Variants in NUP153 observed in about 807,000 individuals in gnomAD.
NUP153 encodes nucleoporin 153, also known as nuclear pore complex protein Nup153.
NUP153 carries 27 observed loss-of-function variants against 134.6 expected under a neutral mutation model. That is an observed-to-expected ratio of 0.20 (90% confidence interval 0.15 to 0.28). NUP153 has a LOEUF of 0.28. NUP153 is among the 10% of genes least tolerant of loss of function. NUP153 has a pLI of 1.00. For synonymous variants in NUP153, 640 were observed against 623.5 expected (o/e 1.03, Z -0.40); for missense variants, 1,821 against 1,731.3 (o/e 1.05, Z -0.92).
At chr6:17,701,786 T>C (rs1400145774) in intron 1 of NUP153, among the ~76,000 whole-genome samples, 5 of 136,348 alleles carry the variant, frequency 3.7e-5, no homozygotes, top group Non-Finnish European at 6.2e-5. Context: ...TGAGCCAAGA[T>C]TGTGCCACTG....
intron 8 of NUP153, among the ~76,000 whole-genome samples, chr6:17,665,851 A>AT (rs1316281365): frequency 1.3e-5 from 2 of 151,530 alleles, no homozygotes; most frequent in African/African-American, 2.4e-5. Context: ...CACCCGGCTA[A>AT]TTTTTTTGGT....
chr6:17,660,762 A>AT (rs1303383101), intron 11 of NUP153, among the ~76,000 whole-genome samples: 1 of 152,300 alleles, frequency 6.6e-6, no homozygotes, highest in African/African-American at 2.4e-5. Context: ...GCAACATCTA[A>AT]TACAGCAGAA....
intron 5 of NUP153, among the ~76,000 whole-genome samples, chr6:17,674,001 A>C (rs991048190): frequency 6.6e-6 from 1 of 152,228 alleles, no homozygotes; most frequent in Non-Finnish European, 1.5e-5. Context: ...ACTCAGCAAT[A>C]AAAAGGAACT....
chr6:17,676,958 A>G (rs1768257268), intron 2 of NUP153, among the ~76,000 whole-genome samples: 1 of 152,182 alleles, frequency 6.6e-6, no homozygotes, highest in Admixed American at 6.5e-5. Flanking sequence ...CAGAGATACT[A>G]GACAGTGTAC....
intron 16 of NUP153, among the ~76,000 whole-genome samples, chr6:17,635,254 C>A (rs1344385960): frequency 4.6e-5 from 7 of 151,932 alleles, no homozygotes; most frequent in Admixed American, 6.6e-5. Context: ...GGACTACAGG[C>A]ACCCGCCACC....
At chr6:17,633,641 G>A (rs892040246) in intron 16 of NUP153, among the ~76,000 whole-genome samples, 1 of 152,166 alleles carries the variant, frequency 6.6e-6, no homozygotes, top group African/African-American at 2.4e-5. Flanking sequence ...ACACAGAGGT[G>A]ACAAATCTTA....
chr6:17,640,028 T>C lies in NUP153; in HGVS notation c.1757A>G (p.Lys586Arg). The C allele has an allele frequency of 6.2e-7, 1 of 1,611,760 alleles. No individual in the cohort carries two copies. Among genetic ancestry groups the C allele is most frequent in the Non-Finnish European group, 8.5e-7 (1 of 1,178,498 alleles). The change falls in exon 15 of 22, where the codon AAG becomes AGG. Residue 586 changes from lysine to arginine, a missense_variant. By Grantham distance (26) the Lys-to-Arg change is conservative. Transcript: ENST00000262077. Reference sequence around the variant, plus strand: ...CTCACAATCTTCAGGTGGTGTCTTCTTACAATTTGTACTGTTCACTGTAGT... The same window carrying C: ...CTCACAATCTTCAGGTGGTGTCTTCCTACAATTTGTACTGTTCACTGTAGT... ...HVTTVNSTNC[K>R]KTPPEDCEGP...
intron 14 of NUP153, among the ~76,000 whole-genome samples, chr6:17,640,269 T>G (rs1224570672): frequency 6.6e-6 from 1 of 152,134 alleles, no homozygotes. Context: ...ACTATATAAC[T>G]TCCCCCACCA....
Position 17,625,557 on chromosome 6 carries a change from C to G in NUP153, c.3901+251G>C, listed in dbSNP as rs1290290560. On this transcript the variant is annotated intron_variant, in intron 19 of 21. Transcript: ENST00000262077. The surrounding 1 kb of genome is among the most constrained non-coding windows in gnomAD (Gnocchi z 4.7). ...AAGAAAACAAAAACAAAAAACAAAG[C>G]TTAGAAAAATTAAGTATTACACTCT... is the stretch of plus-strand genomic sequence containing the variant. 6.6e-6 allele frequency among the ~76,000 whole-genome samples: 1 copy of G among 151,906 alleles called. No individual in the cohort carries two copies. Among genetic ancestry groups the G allele is most frequent in the Non-Finnish European group, 1.5e-5 (1 of 67,966 alleles).
chr6:17,651,256 C>G (rs1024643484), intron 11 of NUP153, among the ~76,000 whole-genome samples: 6 of 152,094 alleles, frequency 3.9e-5, no homozygotes, highest in Admixed American at 6.6e-5. Flanking sequence ...TGGGCCATGA[C>G]TGTGCCACTG....
intron 9 of NUP153, among the ~76,000 whole-genome samples, chr6:17,662,924 C>G (rs939140867): frequency 6.6e-6 from 1 of 151,996 alleles, no homozygotes. Context: ...CACAAAACAA[C>G]AAGAACAAAA....
At position 17,701,652 on chromosome 6, in the gene NUP153, C is replaced by T. The variant is rs142695466; in HGVS notation, c.111+4625G>A. Among the ~76,000 whole-genome samples, 704 of 128,928 alleles carry T rather than the reference C, an allele frequency of 5.5e-3. 4 individuals carry two copies. Among genetic ancestry groups the T allele is most frequent in the African/African-American group, 0.017 (601 of 35,032 alleles). The allele number at this position is 128,928 out of a possible 152,430, so 84.6% of individuals were successfully genotyped here. On this transcript the variant is annotated intron_variant, in intron 1 of 21. Coordinates refer to ENST00000262077, the MANE Select transcript of NUP153 (RefSeq NM_005124.4). ...CTCCAGCCTGGGTGACAGAACAAGA[C>T]TCCATCTCAAAAAAAAAAAAAAAAT...
intron 11 of NUP153, among the ~76,000 whole-genome samples, chr6:17,654,808 G>A (rs1189991710): frequency 6.6e-6 from 1 of 152,168 alleles, no homozygotes; most frequent in East Asian, 1.9e-4. Flanking sequence ...ATCCTTACAT[G>A]GGTTATCTCA....
intron 8 of NUP153, among the ~76,000 whole-genome samples, chr6:17,665,987 C>CA (rs1187126905): frequency 5.1e-5 from 7 of 136,254 alleles, no homozygotes; most frequent in African/African-American, 1.9e-4. Context: ...ACTCACCTGG[C>CA]TTTTTTTTTT....
rs11428582 is a variant in NUP153 at position 17,678,352 on chromosome 6, C to CAAAAAAAAAAAAAAA, written c.335-2597_335-2583dup. 2.8e-3 allele frequency among the ~76,000 whole-genome samples: 190 copies of CAAAAAAAAAAAAAAA among 68,214 alleles called. 20 individuals are homozygous for CAAAAAAAAAAAAAAA. The highest frequency in any genetic ancestry group is 0.011 in the African/African-American group (176 of 15,704). 44.8% of individuals were successfully genotyped at this position (68,214 alleles called of 152,430 possible). ...GCCTGGTTGACAGAACCCTCTGTCT[C>CAAAAAAAAAAAAAAA]AAAAAAAAAAAAAAAAAAAAAAAGA... On this transcript the variant is annotated intron_variant, in intron 2 of 21. Coordinates refer to ENST00000262077, the MANE Select transcript of NUP153 (RefSeq NM_005124.4).
intron 11 of NUP153, chr6:17,651,820 A>G: frequency 1.7e-6 from 1 of 595,984 alleles, no homozygotes; most frequent in Non-Finnish European, 3.2e-6. Flanking sequence ...GAGGTTAGGC[A>G]TGGTAGCACA....
chr6:17,701,097 T>C (rs903309463), intron 1 of NUP153, among the ~76,000 whole-genome samples: 12 of 151,914 alleles, frequency 7.9e-5, no homozygotes, highest in Non-Finnish European at 1.5e-5. Context: ...TGGTGGCGCA[T>C]GCCTGTAATT....
intron 13 of NUP153, among the ~76,000 whole-genome samples, chr6:17,646,356 C>A (rs539759637): frequency 6.6e-6 from 1 of 151,946 alleles, no homozygotes; most frequent in Non-Finnish European, 1.5e-5. Context: ...TACAGGAACT[C>A]GCCACCACAC....
chr6:17,690,148 T>C (rs975785928), intron 1 of NUP153, among the ~76,000 whole-genome samples: 2 of 151,654 alleles, frequency 1.3e-5, no homozygotes, highest in Non-Finnish European at 2.9e-5. Flanking sequence ...GTCAGGAGAT[T>C]GAGACCATCC....
Sources: allele counts gnomAD v4.1 joint callset (sites outside exome capture counted in the v4.1 genomes callset), GRCh38; gene constraint gnomAD v4.1.1; non-coding constraint Gnocchi (gnomAD v3.1); transcripts MANE v1.5; gene names NCBI Gene and HGNC (gene_info 2026-07-23, HGNC 2026-07-21).